Variants in ADAMTS14 observed in about 807,000 individuals in gnomAD.
ADAMTS14 encodes the protein A disintegrin and metalloproteinase with thrombospondin motifs 14.
ADAMTS14 carries 100 observed loss-of-function variants against 128.6 expected under a neutral mutation model. The observed-to-expected ratio is 0.78, with a 90% CI of 0.66 to 0.92. The LOEUF is 0.92. Among genes scored for constraint, ADAMTS14 ranks in the 40% least tolerant of loss-of-function variants. The pLI is 0.00. For missense variants in ADAMTS14, 1,562 were observed against 1,658.6 expected, an observed-to-expected ratio of 0.94 and a Z score of 1.01; for synonymous variants, 665 against 653.8, an observed-to-expected ratio of 1.02 and a Z score of -0.26.
chr10:70,711,507 C>T (rs1488647640), intron 4 of ADAMTS14, among the ~76,000 whole-genome samples: 1 of 152,190 alleles, frequency 6.6e-6, no homozygotes. Context: ...CAGTTTAGCC[C>T]CTTAGAGCCT....
In ADAMTS14 at chr10:70,761,128, C is replaced by T. The variant is rs1213576426; in HGVS notation, c.*275C>T. 2.0e-5 allele frequency: 8 copies of T among 399,028 alleles called. No individual in the cohort carries two copies. The highest frequency in any genetic ancestry group is 2.7e-5 in the Non-Finnish European group (6 of 225,056). 24.7% of individuals were successfully genotyped at this position (399,028 alleles called of 1,614,324 possible). A position where few individuals can be genotyped will look rare whatever the true frequency, so the allele number is the denominator to read the frequency against. On this transcript the variant is annotated 3_prime_UTR_variant, in exon 22 of 22. Coordinates refer to ENST00000373207, the MANE Select transcript of ADAMTS14 (RefSeq NM_080722.4). Reference sequence around the variant, plus strand: ...CCCTGTTGGTCTCCCCTGCCAAGACCAGGGTCAACTATTGCTCCCTCCTCA... The same window carrying T: ...CCCTGTTGGTCTCCCCTGCCAAGACTAGGGTCAACTATTGCTCCCTCCTCA...
chr10:70,744,235 T>C, intron 14 of ADAMTS14, 46 bp downstream of exon 14: 4 of 1,471,540 alleles, frequency 2.7e-6, no homozygotes, highest in Non-Finnish European at 3.6e-6. Flanking sequence ...TGACTGGAGT[T>C]CTTGCCGTCC....
At chr10:70,753,015 T>C (rs2132746554) in intron 18 of ADAMTS14, among the ~76,000 whole-genome samples, 1 of 152,350 alleles carries the variant, frequency 6.6e-6, no homozygotes, top group East Asian at 1.9e-4. Context: ...CACAAATGCC[T>C]GTAATCACAG....
chr10:70,718,511 C>G (rs2132639355), intron 4 of ADAMTS14, among the ~76,000 whole-genome samples: 1 of 152,140 alleles, frequency 6.6e-6, no homozygotes, highest in Middle Eastern at 3.4e-3. Flanking sequence ...CCTCAGACTC[C>G]TGAGTAGCTG....
At chr10:70,708,363 A>G (rs182975816) in intron 3 of ADAMTS14, among the ~76,000 whole-genome samples, 21 of 152,240 alleles carry the variant, frequency 1.4e-4, no homozygotes, top group African/African-American at 4.8e-4. Context: ...GCCAGTTCTC[A>G]CCCCTTTGCT....
intron 4 of ADAMTS14, among the ~76,000 whole-genome samples, chr10:70,712,756 G>T (rs1840902045): frequency 6.6e-6 from 1 of 152,194 alleles, no homozygotes. Context: ...CGGTGGCAGT[G>T]CCTGTCTTCC....
intron 10 of ADAMTS14, 86 bp downstream of exon 10, chr10:70,736,879 C>G (rs1841846074): frequency 1.6e-6 from 2 of 1,227,870 alleles, no homozygotes; most frequent in South Asian, 1.3e-5. Context: ...AGAGTGAACC[C>G]TGACCCCTCC....
intron 2 of ADAMTS14, among the ~76,000 whole-genome samples, chr10:70,680,635 A>G (rs1028534755): frequency 5.3e-5 from 8 of 152,122 alleles, no homozygotes; most frequent in Non-Finnish European, 7.4e-5. Flanking sequence ...ACAGTTGTCT[A>G]TGGGGTTGTT....
At position 70,672,768 on chromosome 10, in the gene ADAMTS14, G is replaced by C. The variant is rs1001177175; in HGVS notation, c.-35G>C. ...GCCCTCAGCCTGGGACTTGGGGATC[G>C]GGCGCTTGCCCAGCCCGCGTCCCAG... is the stretch of plus-strand genomic sequence containing the variant. On this transcript the variant is annotated 5_prime_UTR_variant, in exon 1 of 22. Coordinates refer to ENST00000373207, the MANE Select transcript of ADAMTS14 (RefSeq NM_080722.4). The C allele has an allele frequency of 2.0e-6, 3 of 1,488,144 alleles. No individual in the cohort carries two copies. Among genetic ancestry groups the C allele is most frequent in the African/African-American group, 1.5e-5 (1 of 68,496 alleles). The allele number at this position is 1,488,144 out of a possible 1,614,324, so 92.2% of individuals were successfully genotyped here.
At chr10:70,757,073 T>C (rs914438850) in intron 19 of ADAMTS14, among the ~76,000 whole-genome samples, 6 of 152,070 alleles carry the variant, frequency 3.9e-5, no homozygotes, top group Non-Finnish European at 7.4e-5. Context: ...GTCCTGCAAA[T>C]TCCTCTCCTT....
intron 2 of ADAMTS14, among the ~76,000 whole-genome samples, chr10:70,684,364 T>C (rs1193012644): frequency 6.6e-6 from 1 of 152,232 alleles, no homozygotes; most frequent in African/African-American, 2.4e-5. Flanking sequence ...TAAGATCACT[T>C]CTGCACCTTC....
chr10:70,712,746 C>T (rs754795270), intron 4 of ADAMTS14, among the ~76,000 whole-genome samples: 4 of 152,174 alleles, frequency 2.6e-5, no homozygotes, highest in Admixed American at 1.3e-4. Flanking sequence ...GAAAGACACG[C>T]GGTGGCAGTG....
intron 18 of ADAMTS14, among the ~76,000 whole-genome samples, chr10:70,752,622 G>A (rs1018096214): frequency 6.6e-5 from 10 of 152,188 alleles, no homozygotes; most frequent in East Asian, 5.8e-4. Flanking sequence ...TTGCAGAGCC[G>A]GCCTCAAGAC....
At chr10:70,675,876 C>G (rs1839631862) in intron 2 of ADAMTS14, among the ~76,000 whole-genome samples, 1 of 152,202 alleles carries the variant, frequency 6.6e-6, no homozygotes, top group Non-Finnish European at 1.5e-5. Context: ...TGATGGGTCT[C>G]AAGAAGGGGC....
At chr10:70,732,934 C>T (rs924736540) in intron 7 of ADAMTS14, among the ~76,000 whole-genome samples, 10 of 152,148 alleles carry the variant, frequency 6.6e-5, no homozygotes, top group Admixed American at 3.3e-4. Flanking sequence ...TACCATGCAC[C>T]GGGCCCCATT....
At chr10:70,709,499 T>TTC (rs1411325591) in intron 4 of ADAMTS14, among the ~76,000 whole-genome samples, 1 of 83,278 alleles carries the variant, frequency 1.2e-5, no homozygotes, top group East Asian at 2.2e-4. Flanking sequence ...TTTCCAGTTT[T>TTC]TTTTTTTTTT....
At chr10:70,685,912 C>T (rs560895171) in intron 2 of ADAMTS14, among the ~76,000 whole-genome samples, 29 of 152,272 alleles carry the variant, frequency 1.9e-4, no homozygotes, top group African/African-American at 7.0e-4. Context: ...GTGTCATTGT[C>T]TTCTCTGAAA....
At position 70,702,364 on chromosome 10, in the gene ADAMTS14, G is replaced by A. The variant is rs113554300; in HGVS notation, c.575G>A (p.Arg192Gln). ...GACTTCTTCATTGAGCCTCTGGAGC[G>A]GGGCCAGCAGGAGAAGGAGGCCAGC... ...STDFFIEPLE[R>Q]GQQEKEASGR... is the part of the protein sequence containing the mutation. The change falls in exon 3 of 22, where the codon CGG (arginine) becomes CAG (glutamine). Residue 192 changes from arginine to glutamine, a missense_variant. Physicochemically the swap from Arg to Gln is conservative, Grantham distance 43 (BLOSUM62 1). Coordinates refer to ENST00000373207, the MANE Select transcript of ADAMTS14 (RefSeq NM_080722.4). 74 of 1,614,158 alleles carry A rather than the reference G, an allele frequency of 4.6e-5. No homozygotes were observed. In the African/African-American group the frequency reaches 5.3e-4, roughly 12 times the overall value.
rs561924029 is a variant in ADAMTS14 at position 70,736,993 on chromosome 10, T to G, written c.1599+200T>G. On this transcript the variant is annotated intron_variant, in intron 10 of 21. Transcript: ENST00000373207. ...CTTCCCATAAACTCACCCTGTCTTCTCTCCCAGCCCACAGCCCTTTGTCTC... is the reference window on the plus strand; with the variant it reads ...CTTCCCATAAACTCACCCTGTCTTCGCTCCCAGCCCACAGCCCTTTGTCTC... Among the ~76,000 whole-genome samples the G allele has an allele frequency of 3.1e-3, 468 of 152,204 alleles. 3 individuals are homozygous for G. The highest frequency in any genetic ancestry group is 0.01 in the Middle Eastern group (3 of 294).
Sources: gnomAD v4.1 joint callset for allele counts (sites outside exome capture counted in the v4.1 genomes callset) on GRCh38, gnomAD v4.1.1 for gene constraint, MANE v1.5 for transcripts, NCBI Gene and HGNC (gene_info 2026-07-23, HGNC 2026-07-21) for gene names.